The following ENOX1 variants were observed in gnomAD, a reference collection of about 807,000 sequenced individuals.
ENOX1 encodes candidate growth-related and time keeping constitutive hydroquinone (NADH) oxidase.
Under a neutral mutation model 82.5 loss-of-function variants are expected in ENOX1, and 42 were observed. The ratio of observed to expected loss-of-function variants is 0.51; its 90% CI spans 0.40 to 0.66. ENOX1 has a LOEUF of 0.66. Among genes scored for constraint, ENOX1 ranks in the 30% least tolerant of loss-of-function variants. The pLI is 0.00. For missense variants in ENOX1, 608 were observed against 811.6 expected, an observed-to-expected ratio of 0.75 and a Z score of 3.05; for synonymous variants, 271 against 282.2, an observed-to-expected ratio of 0.96 and a Z score of 0.40.
chr13:43,616,757 C>G (rs2153743445), intron 2 of ENOX1, among the ~76,000 whole-genome samples: 1 of 152,146 alleles, frequency 6.6e-6, no homozygotes, highest in Middle Eastern at 3.4e-3. Context: ...TTCTTTTCCT[C>G]CTATTTTAAC....
At chr13:43,486,869 T>G (rs1275612638) in intron 2 of ENOX1, among the ~76,000 whole-genome samples, 1 of 152,156 alleles carries the variant, frequency 6.6e-6, no homozygotes, top group East Asian at 1.9e-4. Context: ...CAATAAGAAC[T>G]CATCAAAAGT....
At chr13:43,425,874 C>A (rs112834863) in intron 3 of ENOX1, among the ~76,000 whole-genome samples, 12 of 152,220 alleles carry the variant, frequency 7.9e-5, no homozygotes, top group Admixed American at 2.6e-4. Flanking sequence ...GAGTGTGCAC[C>A]ATTATGGAGA....
intron 2 of ENOX1, among the ~76,000 whole-genome samples, chr13:43,487,034 G>C (rs1417487664): frequency 1.3e-5 from 2 of 152,160 alleles, no homozygotes; most frequent in Non-Finnish European, 2.9e-5. Context: ...AGCCAGGTAT[G>C]GTGGTGCATG....
rs2054153418 is a variant in ENOX1 at position 43,411,937 on chromosome 13, G to A, written c.187C>T (p.Pro63Ser). Residue 63 changes from proline (P) to serine (S), a missense_variant, in exon 5 of 17, where the codon CCT becomes TCT. Pro to Ser is a moderately conservative substitution (Grantham distance 74). Transcript: ENST00000690772. Reference protein sequence around the residue: ...NNLGMVPVGLPGQQLVSDSIC... With the variant: ...NNLGMVPVGLSGQQLVSDSIC... ...TTACCAGACACGAGCTGCTGTCCAG[G>A]CAACCCTACGGGAACCATGCCCAGG... 1.2e-6 allele frequency: 2 copies of A among 1,614,034 alleles called. No individual in the cohort carries two copies. Among genetic ancestry groups the A allele is most frequent in the African/African-American group, 2.7e-5 (2 of 74,922 alleles).
At chr13:43,508,636 G>C (rs532970659) in intron 2 of ENOX1, among the ~76,000 whole-genome samples, 2 of 151,940 alleles carry the variant, frequency 1.3e-5, no homozygotes, top group Non-Finnish European at 2.9e-5. Context: ...AAATAGGAGG[G>C]TATTTTAGCA....
intron 5 of ENOX1, among the ~76,000 whole-genome samples, chr13:43,404,647 G>A (rs547801543): frequency 6.6e-6 from 1 of 152,264 alleles, no homozygotes; most frequent in Non-Finnish European, 1.5e-5. Flanking sequence ...ATCTTCTTTA[G>A]AGATACGTGT....
At chr13:43,337,903 C>G (rs559337736) in intron 9 of ENOX1, among the ~76,000 whole-genome samples, 3 of 152,172 alleles carry the variant, frequency 2.0e-5, no homozygotes, top group African/African-American at 4.8e-5. Flanking sequence ...TTGGCCCAAC[C>G]CTTTAAGATC....
intron 1 of ENOX1, among the ~76,000 whole-genome samples, chr13:43,746,251 T>C (rs1315087596): frequency 6.6e-6 from 1 of 152,160 alleles, no homozygotes; most frequent in African/African-American, 2.4e-5. Context: ...GGGAGATTTA[T>C]ATTTTTTATA....
intron 2 of ENOX1, among the ~76,000 whole-genome samples, chr13:43,487,338 A>T (rs2153659525): frequency 6.6e-6 from 1 of 152,324 alleles, no homozygotes; most frequent in East Asian, 1.9e-4. Context: ...AGCATTTAAG[A>T]TCAACTATAA....
intron 1 of ENOX1, among the ~76,000 whole-genome samples, chr13:43,670,454 A>G (rs2085204353): frequency 6.6e-6 from 1 of 152,180 alleles, no homozygotes; most frequent in African/African-American, 2.4e-5. Context: ...ATGCCCCTGA[A>G]ATAGAGTACA....
intron 3 of ENOX1, among the ~76,000 whole-genome samples, chr13:43,440,058 C>A (rs1303618586): frequency 6.6e-6 from 1 of 152,154 alleles, no homozygotes; most frequent in Non-Finnish European, 1.5e-5. Context: ...CAGCCCCTTA[C>A]ATCAGCAAAT....
chr13:43,325,070 C>A (rs1007077249), intron 10 of ENOX1, among the ~76,000 whole-genome samples: 4 of 152,158 alleles, frequency 2.6e-5, no homozygotes, highest in African/African-American at 9.7e-5. Context: ...GTTTTCATAA[C>A]CCTCAGTTTG....
At chr13:43,550,480 T>C (rs2079147909) in intron 2 of ENOX1, among the ~76,000 whole-genome samples, 1 of 152,176 alleles carries the variant, frequency 6.6e-6, no homozygotes, top group South Asian at 2.1e-4. Flanking sequence ...AGAACCACAT[T>C]TGCTGTTCTT....
chr13:43,377,808 T>G (rs973461612), intron 5 of ENOX1, among the ~76,000 whole-genome samples: 11 of 152,206 alleles, frequency 7.2e-5, no homozygotes, highest in African/African-American at 2.4e-4. Context: ...AAGCTTTTTT[T>G]GTCTCACCAG....
intron 1 of ENOX1, among the ~76,000 whole-genome samples, chr13:43,698,670 A>G (rs1234217073): frequency 6.6e-6 from 1 of 152,186 alleles, no homozygotes; most frequent in Non-Finnish European, 1.5e-5. Context: ...TAACACCATG[A>G]TCAAAAATAG....
intron 11 of ENOX1, among the ~76,000 whole-genome samples, chr13:43,316,579 T>C (rs1241191732): frequency 6.6e-6 from 1 of 151,812 alleles, no homozygotes; most frequent in African/African-American, 2.4e-5. Flanking sequence ...TGCTACAGGA[T>C]CAATTTAAAT....
intron 15 of ENOX1, among the ~76,000 whole-genome samples, chr13:43,229,500 A>T (rs763722963): frequency 1.3e-5 from 2 of 152,212 alleles, no homozygotes; most frequent in Non-Finnish European, 2.9e-5. Context: ...GGTGGGGGCC[A>T]GATCACGCAG....
At chr13:43,402,820 T>C (rs1432335631) in intron 5 of ENOX1, among the ~76,000 whole-genome samples, 1 of 152,150 alleles carries the variant, frequency 6.6e-6, no homozygotes, top group Admixed American at 6.5e-5. Flanking sequence ...TCAAACTCAT[T>C]CTAATATGGG....
intron 2 of ENOX1, among the ~76,000 whole-genome samples, chr13:43,611,999 G>A (rs2082220306): frequency 6.6e-6 from 1 of 152,150 alleles, no homozygotes; most frequent in South Asian, 2.1e-4. Flanking sequence ...GTTTTTTACA[G>A]TCATTCATAT....
Sources: allele counts gnomAD v4.1 joint callset (sites outside exome capture counted in the v4.1 genomes callset), GRCh38; gene constraint gnomAD v4.1.1; transcripts MANE v1.5; gene names NCBI Gene and HGNC (gene_info 2026-07-23, HGNC 2026-07-21).